Variants in COMMD8 observed in about 807,000 individuals in gnomAD.
COMMD8 encodes COMM domain containing 8, also known as COMM domain-containing protein 8.
Under a neutral mutation model 27.2 loss-of-function variants are expected in COMMD8, and 28 were observed. The ratio of observed to expected loss-of-function variants is 1.03; its 90% CI spans 0.76 to 1.41. The LOEUF (loss-of-function observed/expected upper bound fraction) is 1.41. Among genes scored for constraint, COMMD8 ranks in the 40% most tolerant of loss-of-function variants. The probability of loss-of-function intolerance (pLI) is 0.00; values close to 1 mark genes in which losing one functional copy is unlikely to be tolerated. For missense variants in COMMD8, 217 were observed against 211.2 expected (o/e 1.03, Z -0.17); for synonymous variants, 79 against 75.5 (o/e 1.05, Z -0.24).
intron 3 of COMMD8, among the ~76,000 whole-genome samples, 177 bp downstream of exon 3, chr4:47,456,400 A>T (rs1208785574): frequency 6.7e-6 from 1 of 150,104 alleles, no homozygotes; most frequent in Non-Finnish European, 1.5e-5. Context: ...TACATGGCTT[A>T]GATGTTTGTA....
chr4:47,453,654 T>C (rs1729813936), intron 3 of COMMD8, among the ~76,000 whole-genome samples: 1 of 151,906 alleles, frequency 6.6e-6, no homozygotes, highest in Non-Finnish European at 1.5e-5. Context: ...TATCACAATA[T>C]TGATAAATAT....
intron 3 of COMMD8, among the ~76,000 whole-genome samples, chr4:47,454,041 GACCCA>G (rs1476245274): frequency 6.6e-6 from 1 of 152,066 alleles, no homozygotes; most frequent in Non-Finnish European, 1.5e-5. Context: ...CCAAAAACAG[GACCCA>G]TAATATCTCA....
intron 3 of COMMD8, among the ~76,000 whole-genome samples, chr4:47,455,027 C>T (rs774062205): frequency 6.6e-6 from 1 of 151,664 alleles, no homozygotes; most frequent in Non-Finnish European, 1.5e-5. Flanking sequence ...TTATTTTTTT[C>T]TGAGACAGAG....
chr4:47,453,359 A>G, intron 3 of COMMD8, 145 bp from the exon 4 acceptor site: 1 of 615,144 alleles, frequency 1.6e-6, no homozygotes, highest in East Asian at 2.8e-5. Flanking sequence ...AATTAAGTCC[A>G]TGCTAAAGCA....
rs977881347 is a variant in COMMD8 at position 47,463,556 on chromosome 4, C to G, written c.66+30G>C. 4 of 1,537,282 alleles carry G rather than the reference C, an allele frequency of 2.6e-6. No individual in the cohort carries two copies. In the Admixed American group the frequency reaches 7.9e-5, roughly 30 times the overall value. ...CCGGGCTGTCGCGAATCCCAGGCCC[C>G]GCGCCGCTTCCCCCGGTACCCGCCC... On this transcript the variant is annotated intron_variant, in intron 1 of 4. Coordinates refer to ENST00000381571, the MANE Select transcript of COMMD8 (RefSeq NM_017845.5).
intron 1 of COMMD8, among the ~76,000 whole-genome samples, chr4:47,462,918 A>AT (rs963767618): frequency 6.6e-6 from 1 of 152,164 alleles, no homozygotes; most frequent in Non-Finnish European, 1.5e-5. Flanking sequence ...GGAAGCCAAA[A>AT]TTGAGACTTA....
At chr4:47,463,079 T>C (rs1210069086) in intron 1 of COMMD8, among the ~76,000 whole-genome samples, 1 of 152,212 alleles carries the variant, frequency 6.6e-6, no homozygotes, top group Non-Finnish European at 1.5e-5. Context: ...AGCCAGGTTC[T>C]TTTACAGACT....
At chr4:47,459,212 A>G (rs1228537327) in intron 2 of COMMD8, among the ~76,000 whole-genome samples, 1 of 152,158 alleles carries the variant, frequency 6.6e-6, no homozygotes, top group Non-Finnish European at 1.5e-5. Flanking sequence ...TAAAAAGGCA[A>G]GCACATAATA....
rs1189227571 is a variant in COMMD8, at chr4:47,450,938, C to T, written c.*707G>A. ...GTCTTATCTCATATTTGAATATACA[C>T]ACTGCATAATGACAGCTATTTTTTA... On this transcript the variant is annotated 3_prime_UTR_variant, in exon 5 of 5. Coordinates refer to ENST00000381571, the MANE Select transcript of COMMD8 (RefSeq NM_017845.5). The T allele has an allele frequency of 2.6e-5, 4 of 152,222 alleles. No homozygotes were observed. The highest frequency in any genetic ancestry group is 2.6e-4 in the Admixed American group (4 of 15,276). The allele number at this position is 152,222 out of a possible 1,614,324, so 9.4% of individuals were successfully genotyped here. A position where few individuals can be genotyped will look rare whatever the true frequency, so the allele number is the denominator to read the frequency against.
At position 47,463,621 on chromosome 4, in the gene COMMD8, G is replaced by A; in HGVS notation, c.31C>T (p.Arg11Trp). The A allele has an allele frequency of 2.6e-6, 4 of 1,548,354 alleles. No homozygotes were observed. Among genetic ancestry groups the A allele is most frequent in the Non-Finnish European group, 2.6e-6 (3 of 1,146,238 alleles). ...AGCTCGGCCGGCAGCTTCTGCAGCC[G>A]CCACAAGGGCGTCCCCTCTTCCGGC... The part of the protein sequence containing the change: MEPEEGTPLW[R>W]LQKLPAELGP... Residue 11 changes from arginine to tryptophan, a missense_variant, in exon 1 of 5, where the codon CGG (arginine) becomes TGG (tryptophan). Arg to Trp is a moderately radical substitution (Grantham distance 101). Coordinates refer to ENST00000381571, the MANE Select transcript of COMMD8 (RefSeq NM_017845.5).
intron 4 of COMMD8, among the ~76,000 whole-genome samples, chr4:47,452,812 A>G (rs1373362296): frequency 1.3e-5 from 2 of 152,226 alleles, no homozygotes; most frequent in Non-Finnish European, 2.9e-5. Context: ...CCTGGCCAAC[A>G]TGGTAAAACC....
Position 47,456,734 on chromosome 4 carries a change from A to G in COMMD8, c.223-5T>C. On this transcript the variant is annotated splice_region_variant and splice_polypyrimidine_tract_variant and intron_variant, in intron 2 of 4. Coordinates refer to ENST00000381571, the MANE Select transcript of COMMD8 (RefSeq NM_017845.5). ...CTGATTCAACTGCTGAAATATCTAT[A>G]AAAATAAAAACAGGCAAAAGGGGCT... 1 of 1,563,156 alleles carries G rather than the reference A, an allele frequency of 6.4e-7. No individual in the cohort carries two copies. Among genetic ancestry groups the G allele is most frequent in the South Asian group, 1.2e-5 (1 of 82,786 alleles).
intron 2 of COMMD8, among the ~76,000 whole-genome samples, chr4:47,457,932 TAA>T (rs896230638): frequency 6.7e-6 from 1 of 149,722 alleles, no homozygotes; most frequent in African/African-American, 2.5e-5. Flanking sequence ...AAGAGATATA[TAA>T]AAAAAAAGAT....
At chr4:47,456,752 A>G (rs769857271) in intron 2 of COMMD8, 23 bp from the exon 3 acceptor site, 1 of 1,542,684 alleles carries the variant, frequency 6.5e-7, no homozygotes, top group South Asian at 1.2e-5. Flanking sequence ...AAACAGGCAA[A>G]AGGGGCTTTC....
intron 4 of COMMD8, among the ~76,000 whole-genome samples, chr4:47,452,372 G>C (rs1381351808): frequency 6.6e-6 from 1 of 152,088 alleles, no homozygotes; most frequent in African/African-American, 2.4e-5. Context: ...TATTAGTCCA[G>C]TTAATAAAGC....
chr4:47,458,850 T>C (rs1230414246), intron 2 of COMMD8, among the ~76,000 whole-genome samples: 1 of 151,652 alleles, frequency 6.6e-6, no homozygotes, highest in Admixed American at 6.6e-5. Flanking sequence ...CATTGAAGAG[T>C]TGAGATACAG....
Position 47,453,127 on chromosome 4 carries a change from G to T in COMMD8, c.463C>A (p.Pro155Thr). ...LDVKENGEVKPYSIEMSREEL... is the reference protein window; with the variant it reads ...LDVKENGEVKTYSIEMSREEL... ...TCTCTACTCATTTCAATAGAATAAG[G>T]TTTTACTTCACCATTTTCTTTTACA... The change falls in exon 4 of 5, where the codon CCT becomes ACT. Residue 155 changes from proline (P) to threonine (T), a missense_variant. By Grantham distance (38) the Pro-to-Thr change is conservative (BLOSUM62 -1). Coordinates refer to ENST00000381571, the MANE Select transcript of COMMD8 (RefSeq NM_017845.5). 2.5e-6 allele frequency: 4 copies of T among 1,613,696 alleles called. No individual in the cohort carries two copies. Among genetic ancestry groups the T allele is most frequent in the Non-Finnish European group, 3.4e-6 (4 of 1,179,708 alleles).
chr4:47,452,935 G>C, intron 4 of COMMD8, 124 bp downstream of exon 4: 1 of 708,094 alleles, frequency 1.4e-6, no homozygotes, highest in Admixed American at 2.6e-5. Flanking sequence ...GGCGGAGGTT[G>C]CAGTGAGCCG....
Position 47,460,195 on chromosome 4 carries a change from A to G in COMMD8, c.171T>C (p.Asp57=). 2 of 1,613,770 alleles carry G rather than the reference A, an allele frequency of 1.2e-6. No homozygotes were observed. Among genetic ancestry groups the G allele is most frequent in the East Asian group, 4.5e-5 (2 of 44,794 alleles). ...ESEEWMHVLE[D]IAKFFKAIVG... ...CTATGGCTTTGAAAAATTTGGCAAT[A>G]TCTTCTAAAACGTGCATCCATTCTT... The change falls in exon 2 of 5, where the codon GAT becomes GAC. Residue 57 remains aspartate, a synonymous_variant. Transcript: ENST00000381571.
Sources: allele counts gnomAD v4.1 joint callset (sites outside exome capture counted in the v4.1 genomes callset), GRCh38; gene constraint gnomAD v4.1.1; transcripts MANE v1.5; gene names NCBI Gene and HGNC (gene_info 2026-07-23, HGNC 2026-07-21).